ROBO2: variants seen among roughly 807,000 people sequenced by gnomAD.
ROBO2 encodes the protein roundabout guidance receptor 2.
A neutral mutation model predicts 160.8 loss-of-function variants in ROBO2; 53 were observed. The observed-to-expected ratio is 0.33, with a 90% CI of 0.26 to 0.41. The LOEUF (loss-of-function observed/expected upper bound fraction) is 0.41. Ranked by LOEUF, ROBO2 falls within the 10% of genes least tolerant of loss-of-function variation. ROBO2 has a pLI of 1.00. For missense variants in ROBO2, 1,577 were observed against 1,722.4 expected (o/e 0.92, Z 1.49); for synonymous variants, 664 against 611.7 (o/e 1.09, Z -1.26).
intron 7 of ROBO2, among the ~76,000 whole-genome samples, chr3:77,548,426 G>GTAT (rs1339871239): frequency 5.3e-5 from 8 of 152,102 alleles, no homozygotes; most frequent in Admixed American, 4.6e-4. Context: ...TTAAATCCAT[G>GTAT]TATTGAGTGA....
At chr3:77,114,141 C>G (rs1187507206) in intron 2 of ROBO2, among the ~76,000 whole-genome samples, 2 of 152,230 alleles carry the variant, frequency 1.3e-5, no homozygotes, top group African/African-American at 4.8e-5. Context: ...TTGGGGCAAA[C>G]CTTTTACCTT....
chr3:77,444,430 C>G (rs1420506761), intron 2 of ROBO2, among the ~76,000 whole-genome samples: 2 of 152,158 alleles, frequency 1.3e-5, no homozygotes, highest in Non-Finnish European at 2.9e-5. Flanking sequence ...TCTCTGAATA[C>G]ATTAACTTAT....
intron 2 of ROBO2, among the ~76,000 whole-genome samples, chr3:76,345,876 A>G (rs981813924): frequency 2.0e-5 from 3 of 152,078 alleles, no homozygotes; most frequent in Non-Finnish European, 4.4e-5. Context: ...AAGCGTACCA[A>G]ACTCCAAGTT....
At chr3:76,516,053 G>T (rs539926521) in intron 2 of ROBO2, among the ~76,000 whole-genome samples, 104 of 152,194 alleles carry the variant, frequency 6.8e-4, no homozygotes, top group African/African-American at 2.4e-3. Flanking sequence ...GTGGACCTTG[G>T]TTTATTTAGA....
intron 2 of ROBO2, among the ~76,000 whole-genome samples, chr3:77,211,178 T>G (rs1001403270): frequency 1.3e-5 from 2 of 152,212 alleles, no homozygotes; most frequent in African/African-American, 4.8e-5. Context: ...ACTTCCACAA[T>G]GGTTGAACTA....
At chr3:76,032,457 A>C (rs968628900) in intron 2 of ROBO2, among the ~76,000 whole-genome samples, 1 of 152,034 alleles carries the variant, frequency 6.6e-6, no homozygotes, top group Admixed American at 6.5e-5. Flanking sequence ...TTAGGGTGTC[A>C]ATTTTAGATC....
chr3:77,617,593 A>T, exon 22 of ROBO2: 1 of 1,614,162 alleles, frequency 6.2e-7, no homozygotes, highest in Non-Finnish European at 8.5e-7. Context: ...CTGGAAGAAG[A>T]TGATGATAGG....
At chr3:77,047,052 A>G (rs1490415044) in intron 1 of ROBO2, among the ~76,000 whole-genome samples, 2 of 152,196 alleles carry the variant, frequency 1.3e-5, no homozygotes, top group Non-Finnish European at 2.9e-5. Context: ...TCAACACCAA[A>G]TGGGTCTCTT....
chr3:76,455,544 C>G (rs570562975), intron 2 of ROBO2, among the ~76,000 whole-genome samples: 3 of 151,920 alleles, frequency 2.0e-5, no homozygotes, highest in Non-Finnish European at 4.4e-5. Flanking sequence ...AATTAATTAT[C>G]CTCCATATAT....
At chr3:77,645,379 C>A (rs1008851412) in intron 25 of ROBO2, among the ~76,000 whole-genome samples, 5 of 152,016 alleles carry the variant, frequency 3.3e-5, no homozygotes, top group African/African-American at 1.2e-4. Flanking sequence ...GTTTTGACTA[C>A]AATAACATTT....
chr3:76,581,609 G>A (rs2085706020), intron 2 of ROBO2, among the ~76,000 whole-genome samples: 1 of 152,162 alleles, frequency 6.6e-6, no homozygotes, highest in Admixed American at 6.5e-5. Context: ...CTGCACTCCA[G>A]TCTGAGTGAC....
At chr3:76,163,573 G>T (rs2072719757) in intron 2 of ROBO2, among the ~76,000 whole-genome samples, 1 of 149,786 alleles carries the variant, frequency 6.7e-6, no homozygotes, top group African/African-American at 2.4e-5. Flanking sequence ...ATATATATAG[G>T]CATTCATCAG....
At chr3:77,416,332 C>T (rs914982309) in intron 2 of ROBO2, among the ~76,000 whole-genome samples, 18 of 152,086 alleles carry the variant, frequency 1.2e-4, no homozygotes, top group Non-Finnish European at 1.2e-4. Flanking sequence ...GTAGTGGACT[C>T]CCCTCAGAAC....
intron 2 of ROBO2, among the ~76,000 whole-genome samples, chr3:76,925,518 T>G (rs979742570): frequency 6.6e-6 from 1 of 152,186 alleles, no homozygotes; most frequent in African/African-American, 2.4e-5. Context: ...AATATTAAAA[T>G]TAGCTCACAT....
At chr3:77,090,439 C>G (rs535657503) in intron 1 of ROBO2, among the ~76,000 whole-genome samples, 1 of 143,536 alleles carries the variant, frequency 7.0e-6, no homozygotes, top group Non-Finnish European at 1.5e-5. Flanking sequence ...TTGCAAGCTC[C>G]GTCTCCCGGG....
chr3:76,252,393 A>T (rs1706061684), intron 2 of ROBO2, among the ~76,000 whole-genome samples: 1 of 152,120 alleles, frequency 6.6e-6, no homozygotes, highest in Admixed American at 6.6e-5. Flanking sequence ...TGCTCAATGA[A>T]TGAAAGATGA....
intron 2 of ROBO2, among the ~76,000 whole-genome samples, chr3:76,125,918 C>G (rs554348971): frequency 1.6e-3 from 243 of 152,230 alleles, no homozygotes; most frequent in Non-Finnish European, 2.4e-3. Flanking sequence ...CCTCCGCTTC[C>G]TGGATTCAAG....
At chr3:76,823,717 A>G (rs533146828) in intron 2 of ROBO2, among the ~76,000 whole-genome samples, 1 of 152,202 alleles carries the variant, frequency 6.6e-6, no homozygotes, top group African/African-American at 2.4e-5. Context: ...TGTTTTAAAG[A>G]TTAAAAATAA....
intron 2 of ROBO2, among the ~76,000 whole-genome samples, chr3:75,992,515 C>T (rs1324552197): frequency 1.3e-5 from 2 of 152,128 alleles, no homozygotes; most frequent in East Asian, 3.9e-4. Flanking sequence ...CATCTGTATG[C>T]CCAGGCAGAA....
Sources: allele counts gnomAD v4.1 joint callset (sites outside exome capture counted in the v4.1 genomes callset), GRCh38; gene constraint gnomAD v4.1.1; transcripts MANE v1.5; gene names NCBI Gene and HGNC (gene_info 2026-07-23, HGNC 2026-07-21).